Variants in CTNNA3 observed in about 807,000 individuals in gnomAD.
CTNNA3 encodes the protein catenin alpha 3.
CTNNA3 carries 76 observed loss-of-function variants against 95.7 expected under a neutral mutation model. The ratio of observed to expected loss-of-function variants is 0.79; its 90% CI spans 0.66 to 0.96. The LOEUF is 0.96. Among genes scored for constraint, CTNNA3 ranks in the 40% least tolerant of loss-of-function variants. CTNNA3 has a pLI of 0.00. For missense variants in CTNNA3, 1,191 were observed against 1,089.8 expected, an observed-to-expected ratio of 1.09 and a Z score of -1.31; for synonymous variants, 431 against 374.4, an observed-to-expected ratio of 1.15 and a Z score of -1.74.
Position 66,385,600 on chromosome 10 carries a change from C to A in CTNNA3, c.1532-6248G>T, listed in dbSNP as rs533336496. Among the ~76,000 whole-genome samples the A allele has an allele frequency of 2.0e-5, 3 of 152,292 alleles. No individual in the cohort carries two copies. The East Asian group carries it at 5.8e-4, about 29-fold the overall frequency. Reference sequence around the variant, plus strand: ...TCCCTAACTCATTTTATGAGGCCAGCATCATCCTGATACCAAAGCCTGGCA... The same window carrying A: ...TCCCTAACTCATTTTATGAGGCCAGAATCATCCTGATACCAAAGCCTGGCA... On this transcript the variant is annotated intron_variant, in intron 11 of 17. Transcript: ENST00000433211.
intron 9 of CTNNA3, among the ~76,000 whole-genome samples, chr10:66,744,719 G>T: frequency 6.6e-6 from 1 of 152,050 alleles, no homozygotes; most frequent in African/African-American, 2.4e-5. Context: ...AAGGATTATT[G>T]TCTAATCCAT....
chr10:66,578,405 G>A (rs1843073144), intron 10 of CTNNA3, among the ~76,000 whole-genome samples: 2 of 151,900 alleles, frequency 1.3e-5, no homozygotes, highest in South Asian at 2.1e-4. Context: ...ACTTCTCAAG[G>A]GGAATGCTTC....
chr10:67,319,983 A>AG (rs1841239645), intron 5 of CTNNA3, among the ~76,000 whole-genome samples: 1 of 152,290 alleles, frequency 6.6e-6, no homozygotes, highest in Admixed American at 6.5e-5. Context: ...TTTATGGAAA[A>AG]GTAGAAGGAA....
At chr10:67,250,117 G>A (rs1010638562) in intron 5 of CTNNA3, among the ~76,000 whole-genome samples, 13 of 152,098 alleles carry the variant, frequency 8.5e-5, no homozygotes, top group African/African-American at 2.9e-4. Flanking sequence ...TGAACAGCAT[G>A]GGTTTGAGCT....
At chr10:67,481,478 C>G (rs1050042195) in intron 5 of CTNNA3, among the ~76,000 whole-genome samples, 1 of 152,068 alleles carries the variant, frequency 6.6e-6, no homozygotes, top group African/African-American at 2.4e-5. Context: ...GTTCTATATA[C>G]CAATAATGTT....
rs10996813 is a variant in CTNNA3 at position 65,994,624 on chromosome 10, C to A, written c.2160-5827G>T. 1.2e-3 allele frequency among the ~76,000 whole-genome samples: 177 copies of A among 152,218 alleles called. 1 individual carries two copies. The East Asian group carries it at 0.029, about 25-fold the overall frequency. On this transcript the variant is annotated intron_variant, in intron 15 of 17. Transcript: ENST00000433211. ...CTTTCAACAATTTGACTATAACTTG[C>A]CTTTAACAAGAACTTTTTGAGTTGA... is the stretch of plus-strand genomic sequence containing the variant.
intron 1 of CTNNA3, among the ~76,000 whole-genome samples, chr10:67,710,863 T>C (rs192464842): frequency 5.4e-4 from 82 of 152,230 alleles, no homozygotes; most frequent in African/African-American, 1.8e-3. Flanking sequence ...CAGAAAAACA[T>C]AGTGGACCTT....
chr10:67,097,227 CTAA>C (rs771143474), intron 7 of CTNNA3, among the ~76,000 whole-genome samples: 7 of 151,552 alleles, frequency 4.6e-5, no homozygotes, highest in Non-Finnish European at 7.4e-5. Flanking sequence ...ATAATTAACA[CTAA>C]TAATAATAAT....
intron 7 of CTNNA3, among the ~76,000 whole-genome samples, chr10:66,978,505 T>A (rs1245500864): frequency 1.1e-5 from 1 of 87,366 alleles, no homozygotes; most frequent in African/African-American, 4.0e-5. Flanking sequence ...CCAGCCTGGA[T>A]GATAGAGTGA....
At position 67,234,464 on chromosome 10, in the gene CTNNA3, C is replaced by CG. The variant is rs1367393283; in HGVS notation, c.580-14595_580-14594insC. ...AAAGGCCTTTGACAAAATTCAACAACCTTCATGCTAAAAACTCTCAATAAA... is the reference window on the plus strand; with the variant it reads ...AAAGGCCTTTGACAAAATTCAACAACGCTTCATGCTAAAAACTCTCAATAAA... On this transcript the variant is annotated intron_variant, in intron 5 of 17. Transcript: ENST00000433211. 2.0e-5 allele frequency among the ~76,000 whole-genome samples: 3 copies of CG among 152,002 alleles called. 1 individual carries two copies. In the East Asian group the frequency reaches 5.8e-4, roughly 29 times the overall value.
At chr10:67,712,653 G>T (rs1409975251) in intron 1 of CTNNA3, among the ~76,000 whole-genome samples, 1 of 152,010 alleles carries the variant, frequency 6.6e-6, no homozygotes, top group African/African-American at 2.4e-5. Context: ...AAGAATTGAG[G>T]TTTGGGACCT....
Position 66,169,258 on chromosome 10 carries a change from T to C in CTNNA3, c.1885-66009A>G, listed in dbSNP as rs1438011886. Among the ~76,000 whole-genome samples the C allele has an allele frequency of 3.3e-5, 5 of 152,262 alleles. No homozygotes were observed. The East Asian group carries it at 9.6e-4, about 29-fold the overall frequency. On this transcript the variant is annotated intron_variant, in intron 13 of 17. Transcript: ENST00000433211. ...CATCCTCAGAGCTTAGGTCCCACTT[T>C]TGAGTAAGAACATACAATTCTTGCT... is the stretch of plus-strand genomic sequence containing the variant.
intron 7 of CTNNA3, among the ~76,000 whole-genome samples, chr10:66,993,384 G>A (rs1009012731): frequency 6.6e-6 from 1 of 152,160 alleles, no homozygotes; most frequent in Non-Finnish European, 1.5e-5. Flanking sequence ...AAAGTAGACT[G>A]CACCTCTTGA....
rs192986674 is a variant in CTNNA3 at position 66,909,232 on chromosome 10, C to G, written c.1048-133708G>C. ...TCAGGAGTAAATACAAGATCACTAC[C>G]AGCCGGGCGCGGTGGCTCATTCCTG... On this transcript the variant is annotated intron_variant, in intron 7 of 17. Transcript: ENST00000433211. Among the ~76,000 whole-genome samples the G allele has an allele frequency of 4.2e-3, 644 of 152,156 alleles. 3 individuals carry two copies. The highest frequency in any genetic ancestry group is 4.6e-3 in the Non-Finnish European group (311 of 67,972).
At chr10:66,832,648 A>G (rs940699177) in intron 7 of CTNNA3, among the ~76,000 whole-genome samples, 2 of 151,940 alleles carry the variant, frequency 1.3e-5, no homozygotes, top group Non-Finnish European at 2.9e-5. Context: ...AAAAAGGAAG[A>G]AGAAAAGGTT....
intron 5 of CTNNA3, among the ~76,000 whole-genome samples, chr10:67,403,888 C>T (rs560012151): frequency 6.6e-6 from 1 of 152,288 alleles, no homozygotes; most frequent in Non-Finnish European, 1.5e-5. Context: ...TGTTTTGCAG[C>T]CTTCACCGGT....
intron 5 of CTNNA3, among the ~76,000 whole-genome samples, chr10:67,275,268 G>A (rs1473076953): frequency 6.6e-6 from 1 of 152,128 alleles, no homozygotes; most frequent in Non-Finnish European, 1.5e-5. Context: ...TAAATAAGGT[G>A]CTAAATAACC....
At chr10:67,189,233 A>G (rs1172630144) in intron 6 of CTNNA3, among the ~76,000 whole-genome samples, 1 of 152,180 alleles carries the variant, frequency 6.6e-6, no homozygotes, top group Non-Finnish European at 1.5e-5. Context: ...GCACAGAAAT[A>G]CAAATACCAC....
chr10:67,064,979 T>C (rs1855985486), intron 7 of CTNNA3, among the ~76,000 whole-genome samples: 1 of 152,146 alleles, frequency 6.6e-6, no homozygotes, highest in East Asian at 1.9e-4. Context: ...CTTGGAGTTA[T>C]AAAAGAGCCA....
Sources: allele counts gnomAD v4.1 joint callset (sites outside exome capture counted in the v4.1 genomes callset), GRCh38; gene constraint gnomAD v4.1.1; transcripts MANE v1.5; gene names NCBI Gene and HGNC (gene_info 2026-07-23, HGNC 2026-07-21).